NPFFR2: variants seen among roughly 807,000 people sequenced by gnomAD.
NPFFR2 encodes the protein G-protein coupled receptor 74.
NPFFR2 carries 15 observed loss-of-function variants against 13.1 expected under a neutral mutation model. The ratio of observed to expected loss-of-function variants is 1.15; its 90% confidence interval spans 0.77 to 1.76. The LOEUF is 1.76. NPFFR2 is among the 40% of genes most tolerant of loss of function. The pLI is 0.00. For missense variants in NPFFR2, 572 were observed against 503.5 expected (o/e 1.14, Z -1.30); for synonymous variants, 190 against 175.7 (o/e 1.08, Z -0.65).
intron 1 of NPFFR2, among the ~76,000 whole-genome samples, chr4:72,051,138 T>C (rs1235665106): frequency 6.6e-6 from 1 of 151,878 alleles, no homozygotes; most frequent in Non-Finnish European, 1.5e-5. Context: ...AGTAATGGGA[T>C]GGCTGGGTCA....
intron 1 of NPFFR2, among the ~76,000 whole-genome samples, chr4:72,056,529 CATAG>C (rs1719748533): frequency 6.6e-6 from 1 of 151,890 alleles, no homozygotes; most frequent in Non-Finnish European, 1.5e-5. Flanking sequence ...TTCTTTAGTC[CATAG>C]ATCAATGAGT....
intron 3 of NPFFR2, among the ~76,000 whole-genome samples, chr4:72,144,542 C>A (rs976124531): frequency 6.6e-6 from 1 of 151,980 alleles, no homozygotes; most frequent in Non-Finnish European, 1.5e-5. Context: ...AAAAAATTCC[C>A]AAGCTGATTT....
intron 1 of NPFFR2, among the ~76,000 whole-genome samples, chr4:72,035,527 G>A (rs546909929): frequency 3.3e-5 from 5 of 152,200 alleles, no homozygotes; most frequent in South Asian, 2.1e-4. Flanking sequence ...AGTGAGTCAG[G>A]ACAGCATAAA....
At chr4:72,133,522 T>A (rs925651466) in intron 2 of NPFFR2, among the ~76,000 whole-genome samples, 2 of 152,222 alleles carry the variant, frequency 1.3e-5, no homozygotes, top group African/African-American at 4.8e-5. Context: ...AATTTTAAAA[T>A]AATTTTTCTA....
At chr4:72,114,333 T>C (rs541073205) in intron 1 of NPFFR2, among the ~76,000 whole-genome samples, 2 of 152,230 alleles carry the variant, frequency 1.3e-5, no homozygotes, top group East Asian at 3.9e-4. Context: ...CACCATGATA[T>C]AATTTTATAA....
chr4:72,036,126 A>G (rs1369736021), intron 1 of NPFFR2, among the ~76,000 whole-genome samples: 1 of 152,202 alleles, frequency 6.6e-6, no homozygotes, highest in Non-Finnish European at 1.5e-5. Context: ...AATCTTCATG[A>G]TTTTAGAAAT....
At chr4:72,104,395 A>T (rs965104244) in intron 1 of NPFFR2, among the ~76,000 whole-genome samples, 6 of 152,046 alleles carry the variant, frequency 3.9e-5, no homozygotes, top group African/African-American at 1.4e-4. Context: ...CCATATTCCA[A>T]CTATCATTTT....
At chr4:72,037,519 G>C (rs900521270) in intron 1 of NPFFR2, among the ~76,000 whole-genome samples, 3 of 151,984 alleles carry the variant, frequency 2.0e-5, no homozygotes, top group Non-Finnish European at 4.4e-5. Flanking sequence ...GGTCTTTCTA[G>C]GATCACATCT....
At chr4:72,041,852 T>A (rs925817099) in intron 1 of NPFFR2, among the ~76,000 whole-genome samples, 17 of 152,188 alleles carry the variant, frequency 1.1e-4, no homozygotes, top group African/African-American at 4.1e-4. Context: ...TTATTTTTTC[T>A]TGATTTAAGC....
chr4:72,071,859 C>T, intron 1 of NPFFR2, among the ~76,000 whole-genome samples: 1 of 152,100 alleles, frequency 6.6e-6, no homozygotes, highest in African/African-American at 2.4e-5. Flanking sequence ...AATGACTTCC[C>T]CTTCACCTTC....
chr4:72,146,969 T>C lies in NPFFR2; in HGVS notation c.429-9T>C. The C allele has an allele frequency of 6.3e-7, 1 of 1,581,458 alleles. No homozygotes were observed. Among genetic ancestry groups the C allele is most frequent in the Non-Finnish European group, 8.6e-7 (1 of 1,156,100 alleles). The stretch of plus-strand genomic sequence containing the variant: ...GCAGTGCCTCATTTATATTTGTGTT[T>C]AATTGCAGGTTCCAGTGTGTGGTCT... On this transcript the variant is annotated splice_polypyrimidine_tract_variant and intron_variant, in intron 3 of 3. Transcript: ENST00000308744.
chr4:72,135,003 T>A (rs1372235917), intron 2 of NPFFR2, among the ~76,000 whole-genome samples: 2 of 152,124 alleles, frequency 1.3e-5, no homozygotes, highest in Non-Finnish European at 2.9e-5. Flanking sequence ...GTATCTTTAT[T>A]CTGCCCTCAC....
At chr4:72,084,291 A>G (rs997838853) in intron 1 of NPFFR2, among the ~76,000 whole-genome samples, 4 of 152,120 alleles carry the variant, frequency 2.6e-5, no homozygotes, top group African/African-American at 9.7e-5. Flanking sequence ...TCTTATCTCA[A>G]CTCCACAAAA....
chr4:72,143,089 A>T (rs1244603513), intron 3 of NPFFR2, among the ~76,000 whole-genome samples: 1 of 152,218 alleles, frequency 6.6e-6, no homozygotes, highest in African/African-American at 2.4e-5. Flanking sequence ...AGAAACTGGG[A>T]AAAGGGCATC....
intron 1 of NPFFR2, among the ~76,000 whole-genome samples, chr4:72,121,051 C>T (rs939194808): frequency 2.0e-5 from 3 of 151,956 alleles, no homozygotes; most frequent in African/African-American, 4.8e-5. Flanking sequence ...TAGAGAAGAA[C>T]ATAAATGACC....
chr4:72,127,612 C>T (rs528453059), intron 1 of NPFFR2, among the ~76,000 whole-genome samples: 1 of 150,664 alleles, frequency 6.6e-6, no homozygotes, highest in Non-Finnish European at 1.5e-5. Flanking sequence ...ATCCGCCCGC[C>T]TCGGCCTCCC....
At chr4:72,066,617 G>A (rs1231881531) in intron 1 of NPFFR2, among the ~76,000 whole-genome samples, 2 of 139,916 alleles carry the variant, frequency 1.4e-5, no homozygotes, top group Non-Finnish European at 3.1e-5. Flanking sequence ...TGGTGGGATG[G>A]GCACAAGTTA....
At chr4:72,072,261 A>T (rs1720278562) in intron 1 of NPFFR2, among the ~76,000 whole-genome samples, 1 of 152,168 alleles carries the variant, frequency 6.6e-6, no homozygotes, top group African/African-American at 2.4e-5. Context: ...GAGCTATGAG[A>T]CACAGACTTT....
chr4:72,105,877 T>A (rs1721405120), intron 1 of NPFFR2, among the ~76,000 whole-genome samples: 1 of 152,046 alleles, frequency 6.6e-6, no homozygotes, highest in South Asian at 2.1e-4. Flanking sequence ...CTCCTAATAA[T>A]TATGTAACAG....
Sources: gnomAD v4.1 joint callset for allele counts (sites outside exome capture counted in the v4.1 genomes callset) on GRCh38, gnomAD v4.1.1 for gene constraint, MANE v1.5 for transcripts, NCBI Gene and HGNC (gene_info 2026-07-23, HGNC 2026-07-21) for gene names.